Variants in ZFYVE26 observed in about 807,000 individuals in gnomAD.
ZFYVE26 encodes the protein zinc finger FYVE domain-containing protein 26.
Under a neutral mutation model 276.5 loss-of-function variants are expected in ZFYVE26, and 181 were observed. That is an observed-to-expected ratio of 0.65 (90% CI 0.58 to 0.74). ZFYVE26 has a LOEUF of 0.74. Ranked by LOEUF, ZFYVE26 falls within the 30% of genes least tolerant of loss-of-function variation. ZFYVE26 has a pLI of 0.00. For synonymous variants in ZFYVE26, 1,129 were observed against 1,203.1 expected (o/e 0.94, Z 1.27); for missense variants, 2,821 against 3,097.9 (o/e 0.91, Z 2.12).
At position 67,766,362 on chromosome 14, in the gene ZFYVE26, C is replaced by T. The variant is rs2039059315; in HGVS notation, c.5876G>A (p.Cys1959Tyr). Residue 1959 changes from cysteine (C) to tyrosine (Y), a missense_variant, in exon 32 of 42, where the codon TGC becomes TAC. By Grantham distance (194) the Cys-to-Tyr change is radical. Coordinates refer to ENST00000347230, the MANE Select transcript of ZFYVE26 (RefSeq NM_015346.4). ...ACGHQLIEHCCRLSKGLTNPE... is the reference protein window; with the variant it reads ...ACGHQLIEHCYRLSKGLTNPE... ...GTTGGTGAGGCCCTTGGAGAGCCTG[C>T]AGCAGTGCTCAATCAGCTGGTGACC... is the stretch of plus-strand genomic sequence containing the variant. 1 of 1,612,932 alleles carries T rather than the reference C, an allele frequency of 6.2e-7. No individual in the cohort carries two copies. The highest frequency in any genetic ancestry group is 1.3e-5 in the African/African-American group (1 of 74,890).
chr14:67,812,198 T>C (rs2040316799), intron 3 of ZFYVE26, among the ~76,000 whole-genome samples: 1 of 152,258 alleles, frequency 6.6e-6, no homozygotes, highest in African/African-American at 2.4e-5. Context: ...CATATAGATA[T>C]ATTTCCATTT....
At chr14:67,798,953 CCGCGGTTTCGGTGGGAGGGGCGGG>C (rs2040022335) in intron 10 of ZFYVE26, 6 of 1,132,270 alleles carry the variant, frequency 5.3e-6, no homozygotes, top group Non-Finnish European at 6.6e-6. Flanking sequence ...ATTTCTCGCG[CCGCGGTTTCGGTGGGAGGGGCGGG>C]GGTGATTTAC....
Position 67,781,450 on chromosome 14 carries a change from C to T in ZFYVE26, c.4452G>A (p.Arg1484=). The part of the protein sequence containing the change: ...RSRLALQFVD[R]WPLESCLEIL... ...TCTCCAGGCATGACTCCAGGGGCCACCTGTCCACAAACTGTAGGGCCAGCC... is the reference window on the plus strand; with the variant it reads ...TCTCCAGGCATGACTCCAGGGGCCATCTGTCCACAAACTGTAGGGCCAGCC... Residue 1484 remains arginine (R), a synonymous_variant, in exon 22 of 42, where the codon AGG becomes AGA. Transcript: ENST00000347230. 1 of 1,614,202 alleles carries T rather than the reference C, an allele frequency of 6.2e-7. No individual in the cohort carries two copies. Among genetic ancestry groups the T allele is most frequent in the Non-Finnish European group, 8.5e-7 (1 of 1,180,046 alleles).
At chr14:67,779,783 G>A (rs918523914) in intron 23 of ZFYVE26, among the ~76,000 whole-genome samples, 1 of 152,138 alleles carries the variant, frequency 6.6e-6, no homozygotes, top group Non-Finnish European at 1.5e-5. Context: ...TATGAACACA[G>A]GATGATAATA....
rs551689481 is a variant in ZFYVE26, at chr14:67,729,085, G to A, written n.3288+126C>T. ...GGTACCTGCTGAATCCTGGGGTTATGTTTCCTGAGTCCCTCCTTCTCACTT... is the reference window on the plus strand; with the variant it reads ...GGTACCTGCTGAATCCTGGGGTTATATTTCCTGAGTCCCTCCTTCTCACTT... On this transcript the variant is annotated intron_variant and non_coding_transcript_variant, in intron 14 of 14. Coordinates refer to the ZFYVE26 transcript ENST00000394455. 1.6e-4 allele frequency: 184 copies of A among 1,172,098 alleles called. 3 individuals are homozygous for A. The South Asian group carries it at 2.1e-3, about 13-fold the overall frequency. 72.6% of individuals were successfully genotyped at this position (1,172,098 alleles called of 1,614,324 possible).
chr14:67,759,467 T>C (rs1394043261), intron 35 of ZFYVE26, among the ~76,000 whole-genome samples: 1 of 150,420 alleles, frequency 6.6e-6, no homozygotes, highest in Non-Finnish European at 1.5e-5. Flanking sequence ...CTACTAAAAA[T>C]ACAAAAATTA....
intron 11 of ZFYVE26, 103 bp from the exon 12 acceptor site, chr14:67,797,858 C>G: frequency 6.3e-7 from 1 of 1,576,254 alleles, no homozygotes; most frequent in Non-Finnish European, 8.7e-7. Context: ...GGCTCTGAGA[C>G]ATGGAGCATA....
At position 67,748,646 on chromosome 14, in the gene ZFYVE26, G is replaced by T; in HGVS notation, c.7417-7C>A. On this transcript the variant is annotated splice_polypyrimidine_tract_variant and splice_region_variant and intron_variant, in intron 41 of 41. Transcript: ENST00000347230. ...ATATCAGGTAGGCCCGAACCTGGCAGTCAGTTATAAGAGACAGCGGAAAGG... is the reference window on the plus strand; with the variant it reads ...ATATCAGGTAGGCCCGAACCTGGCATTCAGTTATAAGAGACAGCGGAAAGG... The T allele has an allele frequency of 6.2e-7, 1 of 1,613,772 alleles. No homozygotes were observed. The highest frequency in any genetic ancestry group is 8.5e-7 in the Non-Finnish European group (1 of 1,180,012).
intron 13 of ZFYVE26, among the ~76,000 whole-genome samples, chr14:67,738,220 G>C (rs545066998): frequency 6.6e-6 from 1 of 151,742 alleles, no homozygotes; most frequent in Non-Finnish European, 1.5e-5. Flanking sequence ...TGTATGTAAA[G>C]AGGAGGCATT....
chr14:67,745,929 C>CAAAAAAA (rs61448179), downstream of ZFYVE26, among the ~76,000 whole-genome samples: 7 of 57,504 alleles, frequency 1.2e-4, 1 homozygote, highest in African/African-American at 3.8e-4. Context: ...GACCCTGTCT[C>CAAAAAAA]AAAAAAAAAA....
At position 67,748,186 on chromosome 14, in the gene ZFYVE26, ACTCT is replaced by A. The variant is rs1344294155; in HGVS notation, c.*246_*249del. The A allele has an allele frequency of 8.8e-6, 5 of 565,110 alleles. No individual in the cohort carries two copies. The highest frequency in any genetic ancestry group is 3.8e-5 in the African/African-American group (2 of 53,246). The allele number at this position is 565,110 out of a possible 1,614,324, so 35.0% of individuals were successfully genotyped here. On this transcript the variant is annotated 3_prime_UTR_variant, in exon 42 of 42. Coordinates refer to ENST00000347230, the MANE Select transcript of ZFYVE26 (RefSeq NM_015346.4). ...TGTGTGCACACATACTCACTCACTC[ACTCT>A]GAGGTAGAAAGAACTGGCCATCTCC...
chr14:67,794,328 G>T, intron 12 of ZFYVE26, 89 bp from the exon 13 acceptor site: 1 of 1,230,436 alleles, frequency 8.1e-7, no homozygotes, highest in Non-Finnish European at 1.2e-6. Context: ...CAAGATCTGT[G>T]TAGTTAGAGA....
intron 15 of ZFYVE26, 66 bp downstream of exon 15, chr14:67,790,506 G>A: frequency 6.4e-7 from 1 of 1,551,780 alleles, no homozygotes; most frequent in Non-Finnish European, 8.9e-7. Flanking sequence ...GATTTTAGTG[G>A]TTTCTCCCCT....
At position 67,761,404 on chromosome 14, in the gene ZFYVE26, T is replaced by C; in HGVS notation, c.6550A>G (p.Ser2184Gly). The change falls in exon 35 of 42, where the codon AGC becomes GGC. Residue 2184 changes from serine to glycine, a missense_variant. Coordinates refer to ENST00000347230, the MANE Select transcript of ZFYVE26 (RefSeq NM_015346.4). ...LAIISFYVRH[S>G]CLREALLHLL... Reference sequence around the variant, plus strand: ...TGCAGAAGAGCTTCCCGCAGGCAGCTGTGCCTCACGTAGAAGCTGATGATG... The same window carrying C: ...TGCAGAAGAGCTTCCCGCAGGCAGCCGTGCCTCACGTAGAAGCTGATGATG... 1 of 1,614,000 alleles carries C rather than the reference T, an allele frequency of 6.2e-7. No individual in the cohort carries two copies. Among genetic ancestry groups the C allele is most frequent in the Non-Finnish European group, 8.5e-7 (1 of 1,179,932 alleles).
chr14:67,765,432 G>A (rs2140198129), intron 32 of ZFYVE26, among the ~76,000 whole-genome samples: 1 of 152,286 alleles, frequency 6.6e-6, no homozygotes, highest in African/African-American at 2.4e-5. Flanking sequence ...GAGCTAGGAA[G>A]TCGTGAAGCT....
chr14:67,743,828 A>G (rs1371690614), downstream of ZFYVE26, among the ~76,000 whole-genome samples: 1 of 152,178 alleles, frequency 6.6e-6, no homozygotes, highest in Non-Finnish European at 1.5e-5. Context: ...ATGAAGAGAA[A>G]GCATAGGCAG....
intron 31 of ZFYVE26, among the ~76,000 whole-genome samples, chr14:67,767,213 A>T (rs2039082476): frequency 6.6e-6 from 1 of 152,200 alleles, no homozygotes; most frequent in Non-Finnish European, 1.5e-5. Context: ...AAACCTATCA[A>T]GTAGATAGTC....
intron 10 of ZFYVE26, chr14:67,799,358 T>A: frequency 6.2e-7 from 1 of 1,611,198 alleles, no homozygotes; most frequent in Admixed American, 1.7e-5. Context: ...CTATAAGGCC[T>A]TTGTCAAAGA....
Position 67,783,010 on chromosome 14 carries a change from A to C in ZFYVE26, c.4142T>G (p.Leu1381Trp). 1 of 1,614,190 alleles carries C rather than the reference A, an allele frequency of 6.2e-7. No homozygotes were observed. Among genetic ancestry groups the C allele is most frequent in the Non-Finnish European group, 8.5e-7 (1 of 1,180,044 alleles). ...LAAWEPLRGS[L>W]QQGQSLAVNL... ...CACTGCCAGACTCTGCCCCTGCTGC[A>C]AAGACCCTCGCAGGGGCTCCCAGGC... Residue 1381 changes from leucine (L) to tryptophan (W), a missense_variant, in exon 21 of 42, where the codon TTG becomes TGG. Coordinates refer to ENST00000347230, the MANE Select transcript of ZFYVE26 (RefSeq NM_015346.4).
Sources: allele counts gnomAD v4.1 joint callset (sites outside exome capture counted in the v4.1 genomes callset), GRCh38; gene constraint gnomAD v4.1.1; transcripts MANE v1.5; gene names NCBI Gene and HGNC (gene_info 2026-07-23, HGNC 2026-07-21).